The following INO80D variants were observed in gnomAD, a reference collection of about 807,000 sequenced individuals.
INO80D encodes INO80 complex subunit D.
A neutral mutation model predicts 87.6 loss-of-function variants in INO80D; 21 were observed. The ratio of observed to expected loss-of-function variants is 0.24; its 90% CI spans 0.17 to 0.35. INO80D has a LOEUF of 0.35. Ranked by LOEUF, INO80D falls within the 10% of genes least tolerant of loss-of-function variation. INO80D has a pLI of 1.00. For missense variants in INO80D, 982 were observed against 1,280.7 expected, an observed-to-expected ratio of 0.77 and a Z score of 3.56; for synonymous variants, 440 against 491.0, an observed-to-expected ratio of 0.90 and a Z score of 1.37.
intron 1 of INO80D, among the ~76,000 whole-genome samples, chr2:206,072,353 T>C (rs1304827509): frequency 6.6e-6 from 1 of 152,038 alleles, no homozygotes; most frequent in African/African-American, 2.4e-5. Flanking sequence ...CTCAGCTCAG[T>C]GCAACCTCTG....
chr2:206,078,061 CAAAAAAAAAAAAAAAA>C lies in INO80D; in HGVS notation c.-124+7824_-124+7839del, dbSNP rs71410859. On this transcript the variant is annotated intron_variant, in intron 1 of 10. Transcript: ENST00000403263. ...TTCCAGCAAGTTGTTGCAATGTTTA[CAAAAAAAAAAAAAAAA>C]AAAAAAAAAAAGGTTGACCCAGAAC... is the stretch of plus-strand genomic sequence containing the variant. 1.3e-3 allele frequency among the ~76,000 whole-genome samples: 79 copies of C among 63,066 alleles called. 2 individuals are homozygous for C. In the South Asian group the frequency reaches 0.048, roughly 38 times the overall value. 41.4% of individuals were successfully genotyped at this position (63,066 alleles called of 152,430 possible).
intron 7 of INO80D, among the ~76,000 whole-genome samples, chr2:206,018,755 A>G (rs1688384436): frequency 1.3e-5 from 2 of 152,168 alleles, no homozygotes; most frequent in Admixed American, 6.5e-5. Flanking sequence ...TACAAAAATT[A>G]GTCAGGCATG....
intron 5 of INO80D, 102 bp downstream of exon 5, chr2:206,046,396 CAGGCTT>C (rs1419370010): frequency 1.5e-5 from 11 of 721,680 alleles, no homozygotes; most frequent in Non-Finnish European, 2.1e-5. Flanking sequence ...AAAAATTAGT[CAGGCTT>C]GGTGGCAGTA....
chr2:206,072,194 T>C (rs1260367227), intron 1 of INO80D, among the ~76,000 whole-genome samples: 1 of 152,128 alleles, frequency 6.6e-6, no homozygotes, highest in African/African-American at 2.4e-5. Flanking sequence ...AATCATCCTC[T>C]CTTGGCATCC....
chr2:206,021,759 C>A (rs1303162039), intron 6 of INO80D, among the ~76,000 whole-genome samples: 1 of 151,816 alleles, frequency 6.6e-6, no homozygotes, highest in African/African-American at 2.4e-5. Flanking sequence ...ATTACAGGCA[C>A]CTGCCACCAT....
intron 4 of INO80D, among the ~76,000 whole-genome samples, chr2:206,052,261 C>T (rs1215750939): frequency 1.3e-5 from 2 of 152,130 alleles, no homozygotes; most frequent in Non-Finnish European, 2.9e-5. Flanking sequence ...GATCTCGGCT[C>T]ACTGCAACCT....
intron 6 of INO80D, among the ~76,000 whole-genome samples, chr2:206,022,132 G>A (rs937367662): frequency 2.0e-5 from 3 of 151,800 alleles, no homozygotes; most frequent in Non-Finnish European, 2.9e-5. Context: ...TTGGGAGGCT[G>A]AGGCAGGCGG....
rs970156241 is a variant in INO80D at position 206,001,205 on chromosome 2, G to A, written c.*3163C>T. The A allele has an allele frequency of 2.6e-5, 4 of 152,156 alleles. No individual in the cohort carries two copies. The highest frequency in any genetic ancestry group is 5.9e-5 in the Non-Finnish European group (4 of 68,032). 9.4% of individuals were successfully genotyped at this position (152,156 alleles called of 1,614,324 possible). A position where few individuals can be genotyped will look rare whatever the true frequency, so the allele number is the denominator to read the frequency against. ...TTAAAATAATATTAATAATTATGTA[G>A]AGAGAGTAAAGGAGAAAAAGCCCAT... is the stretch of plus-strand genomic sequence containing the variant. On this transcript the variant is annotated 3_prime_UTR_variant, in exon 11 of 11. Coordinates refer to ENST00000403263, the MANE Select transcript of INO80D (RefSeq NM_017759.5).
chr2:206,027,868 C>T (rs1688658578), intron 6 of INO80D, among the ~76,000 whole-genome samples: 1 of 152,094 alleles, frequency 6.6e-6, no homozygotes, highest in Non-Finnish European at 1.5e-5. Flanking sequence ...ATTCTCAAAT[C>T]TTCAATGAAT....
chr2:206,057,045 T>A, intron 3 of INO80D, 102 bp from the exon 4 acceptor site: 1 of 1,163,174 alleles, frequency 8.6e-7, no homozygotes, highest in Non-Finnish European at 1.2e-6. Context: ...ATTGCGTCAC[T>A]ATAGTGACTC....
chr2:206,064,350 G>A (rs1454992570), intron 1 of INO80D, among the ~76,000 whole-genome samples: 2 of 152,130 alleles, frequency 1.3e-5, no homozygotes, highest in East Asian at 3.9e-4. Context: ...GGATCTTAGT[G>A]AGCTGATGGA....
chr2:206,010,348 A>G (rs1688139023), intron 8 of INO80D, among the ~76,000 whole-genome samples: 1 of 152,132 alleles, frequency 6.6e-6, no homozygotes, highest in Admixed American at 6.6e-5. Context: ...CTATTGCTGA[A>G]GTACGTAGAA....
In INO80D at chr2:206,005,319, T is replaced by C. The variant is rs1274500171; in HGVS notation, c.2133A>G (p.Thr711=). 1.9e-6 allele frequency: 3 copies of C among 1,614,018 alleles called. 1 individual carries two copies. In the Middle Eastern group the frequency reaches 4.9e-4, roughly 266 times the overall value. ...GCCCATTCAATAGCTCCCCTAGGTCTGTGTTCACCTCTCGGCTCAAGGATT... is the reference window on the plus strand; with the variant it reads ...GCCCATTCAATAGCTCCCCTAGGTCCGTGTTCACCTCTCGGCTCAAGGATT... ...GIQSLSREVN[T]DLGELLNGRI... is the part of the protein sequence containing the mutation. Residue 711 remains threonine (T), a synonymous_variant, in exon 11 of 11, where the codon ACA becomes ACG. Coordinates refer to ENST00000403263, the MANE Select transcript of INO80D (RefSeq NM_017759.5).
At chr2:206,006,946 C>G (rs1688042176) in intron 10 of INO80D, among the ~76,000 whole-genome samples, 1 of 152,148 alleles carries the variant, frequency 6.6e-6, no homozygotes. Context: ...ACTCGGGAGG[C>G]CGAGGCGAAA....
chr2:206,029,638 TC>T (rs1034304653), intron 5 of INO80D, among the ~76,000 whole-genome samples: 1 of 152,172 alleles, frequency 6.6e-6, no homozygotes, highest in Non-Finnish European at 1.5e-5. Flanking sequence ...TCTATAAACT[TC>T]TACTTAGTAC....
At chr2:206,032,449 G>A (rs1688794263) in intron 5 of INO80D, among the ~76,000 whole-genome samples, 1 of 152,190 alleles carries the variant, frequency 6.6e-6, no homozygotes, top group Non-Finnish European at 1.5e-5. Context: ...TGATTCAGCA[G>A]AGGCAGCCAT....
intron 8 of INO80D, among the ~76,000 whole-genome samples, chr2:206,011,003 G>A (rs776748200): frequency 5.3e-5 from 8 of 151,468 alleles, no homozygotes; most frequent in South Asian, 2.1e-4. Context: ...GCTTGAACCC[G>A]GGAGGCAGAG....
chr2:206,033,875 A>G (rs1276225540), intron 5 of INO80D, among the ~76,000 whole-genome samples: 3 of 152,178 alleles, frequency 2.0e-5, no homozygotes, highest in African/African-American at 7.2e-5. Flanking sequence ...AAGAGAGAAA[A>G]TCCAAATAAC....
chr2:206,014,040 T>G (rs935716417), intron 8 of INO80D, among the ~76,000 whole-genome samples: 10 of 151,338 alleles, frequency 6.6e-5, no homozygotes, highest in African/African-American at 2.2e-4. Flanking sequence ...GCGCCTGTAA[T>G]CCAGCTACTC....
Sources: allele counts gnomAD v4.1 joint callset (sites outside exome capture counted in the v4.1 genomes callset), GRCh38; gene constraint gnomAD v4.1.1; transcripts MANE v1.5; gene names NCBI Gene and HGNC (gene_info 2026-07-23, HGNC 2026-07-21).